The following CACNA1A variants were observed in gnomAD, a reference collection of about 807,000 sequenced individuals.
CACNA1A encodes the protein calcium voltage-gated channel subunit alpha1 A.
In CACNA1A, 57 loss-of-function variants were observed where a neutral mutation model predicts 262.4. The ratio of observed to expected loss-of-function variants is 0.22; its 90% CI spans 0.18 to 0.27. The LOEUF (loss-of-function observed/expected upper bound fraction) is 0.27, where lower values mean the gene tolerates loss of function less well. CACNA1A is among the 10% of genes least tolerant of loss of function. The probability of loss-of-function intolerance (pLI) is 1.00; values close to 1 mark genes in which losing one functional copy is unlikely to be tolerated. For missense variants in CACNA1A, 2,526 were observed against 3,562.8 expected (o/e 0.71, Z 7.41); for synonymous variants, 1,431 against 1,419.3 (o/e 1.01, Z -0.18).
chr19:13,415,742 T>TA, intron 3 of CACNA1A, among the ~76,000 whole-genome samples: 2 of 23,416 alleles, frequency 8.5e-5, no homozygotes, highest in Non-Finnish European at 1.7e-4. Flanking sequence ...TCTGTCTCAA[T>TA]TAAAAAAAAA....
rs951070470 is a variant in CACNA1A, at chr19:13,236,159, C to A, written c.4951-429G>T. Among the ~76,000 whole-genome samples the A allele has an allele frequency of 6.7e-6, 1 of 150,224 alleles. No individual in the cohort carries two copies. The highest frequency in any genetic ancestry group is 1.5e-5 in the Non-Finnish European group (1 of 67,820). ...CCAAATGCACTGAGACGAAAGGACA[C>A]AAGCCGGTCAAGTTGCGGAATCTAT... On this transcript the variant is annotated intron_variant, in intron 31 of 46. Transcript: ENST00000360228. This position sits in a 1 kb window ranked among gnomAD's most constrained non-coding sequence, Gnocchi z 4.6.
intron 31 of CACNA1A, among the ~76,000 whole-genome samples, chr19:13,237,230 C>T (rs1257255303): frequency 1.3e-5 from 2 of 152,130 alleles, no homozygotes; most frequent in African/African-American, 2.4e-5. Context: ...CATGGAAACC[C>T]TCCTTCGCTG....
chr19:13,244,576 C>G (rs2056177352), intron 31 of CACNA1A: 1 of 152,416 alleles, frequency 6.6e-6, no homozygotes, highest in African/African-American at 2.4e-5. Context: ...GACAGGACCT[C>G]TGGGGCCCTG....
chr19:13,264,625 T>C (rs1205913026), intron 24 of CACNA1A, among the ~76,000 whole-genome samples: 3 of 152,194 alleles, frequency 2.0e-5, no homozygotes, highest in African/African-American at 7.2e-5. Context: ...CTTATGCATA[T>C]ACTGTTCCCG....
At chr19:13,472,717 C>T (rs910021877) in intron 1 of CACNA1A, among the ~76,000 whole-genome samples, 1 of 152,180 alleles carries the variant, frequency 6.6e-6, no homozygotes, top group Non-Finnish European at 1.5e-5. Flanking sequence ...TAATTATCCT[C>T]TACGCAAAGG....
intron 3 of CACNA1A, among the ~76,000 whole-genome samples, chr19:13,384,575 C>T (rs2059576576): frequency 2.0e-5 from 3 of 152,168 alleles, no homozygotes; most frequent in African/African-American, 7.2e-5. Flanking sequence ...TGGCGGGAGC[C>T]TGTAATCCCA....
intron 1 of CACNA1A, among the ~76,000 whole-genome samples, chr19:13,464,391 C>T (rs532757996): frequency 1.1e-4 from 16 of 151,970 alleles, no homozygotes; most frequent in Admixed American, 2.6e-4. Flanking sequence ...AGAGCAAGAC[C>T]CTATCTCTTA....
chr19:13,426,193 A>G (rs2060399466), intron 3 of CACNA1A, among the ~76,000 whole-genome samples: 2 of 152,230 alleles, frequency 1.3e-5, no homozygotes, highest in Admixed American at 1.3e-4. Context: ...AAAAGCCATA[A>G]CAATTTTAGA....
intron 5 of CACNA1A, among the ~76,000 whole-genome samples, chr19:13,360,500 C>T (rs1407784230): frequency 8.4e-5 from 11 of 130,208 alleles, no homozygotes; most frequent in South Asian, 4.8e-4. Context: ...TTTTTTGAGA[C>T]GGAGTCTCAT....
chr19:13,473,642 T>G (rs1255472842), intron 1 of CACNA1A, among the ~76,000 whole-genome samples: 1 of 152,222 alleles, frequency 6.6e-6, no homozygotes, highest in Non-Finnish European at 1.5e-5. Flanking sequence ...ATTTTATGCC[T>G]TCTTTTCCTG....
intron 6 of CACNA1A, among the ~76,000 whole-genome samples, chr19:13,345,438 A>C (rs941094027): frequency 3.3e-5 from 5 of 152,184 alleles, no homozygotes; most frequent in Admixed American, 6.5e-5. Flanking sequence ...GAGGGATGTT[A>C]CTGATTCATC....
chr19:13,287,702 A>T (rs1432745051), intron 19 of CACNA1A, among the ~76,000 whole-genome samples: 3 of 150,776 alleles, frequency 2.0e-5, no homozygotes, highest in African/African-American at 4.9e-5. Context: ...GGGTTTCACC[A>T]TTTTGGCCAG....
At chr19:13,447,376 T>C (rs983947406) in intron 3 of CACNA1A, among the ~76,000 whole-genome samples, 2 of 152,192 alleles carry the variant, frequency 1.3e-5, no homozygotes, top group Admixed American at 6.5e-5. Flanking sequence ...GGCCACCTTG[T>C]TGTAAGCAGG....
intron 6 of CACNA1A, among the ~76,000 whole-genome samples, chr19:13,356,844 A>G (rs2059014458): frequency 1.3e-5 from 2 of 152,254 alleles, no homozygotes; most frequent in East Asian, 1.9e-4. Context: ...GTTTTGGCCA[A>G]TTGGGCTGAC....
rs1329646134 is a variant in CACNA1A at position 13,207,520 on chromosome 19, G to A, written c.7314C>T (p.Pro2438=). 3 of 1,436,730 alleles carry A rather than the reference G, an allele frequency of 2.1e-6. No homozygotes were observed. The highest frequency in any genetic ancestry group is 1.3e-5 in the South Asian group (1 of 74,804). The allele number at this position is 1,436,730 out of a possible 1,614,324, so 89.0% of individuals were successfully genotyped here. The change falls in exon 47 of 47, where the codon CCC becomes CCT. Residue 2438 remains proline, a synonymous_variant. Coordinates refer to ENST00000360228, the MANE Select transcript of CACNA1A (RefSeq NM_001127222.2). The surrounding 1 kb of genome is among the most constrained non-coding windows in gnomAD (Gnocchi z 5.7). ...EAMAGAYDAP[P]PVRHASSGAT... ...CGCCCGAGGACGCGTGTCGTACGGG[G>A]GGTGGCGCGTCGTAGGCCCCGGCCA...
intron 1 of CACNA1A, among the ~76,000 whole-genome samples, chr19:13,505,503 A>C (rs1018919632): frequency 6.6e-6 from 1 of 152,110 alleles, no homozygotes; most frequent in Non-Finnish European, 1.5e-5. Context: ...GCGACGGCCA[A>C]GAAAACCCAA....
intron 5 of CACNA1A, chr19:13,363,032 T>C (rs920550476): frequency 6.6e-6 from 1 of 152,010 alleles, no homozygotes; most frequent in Non-Finnish European, 1.5e-5. Flanking sequence ...TGCCTGGGTG[T>C]CTGTATATAT....
chr19:13,298,873 G>C lies in CACNA1A; in HGVS notation c.2760C>G (p.Ala920=). The part of the protein sequence containing the change: ...LEQPGFWEGE[A]ERGKAGDPHR... The stretch of plus-strand genomic sequence containing the variant: ...GGGGGTCCCCGGCCTTGCCTCGCTC[G>C]GCCTCGCCCTCCCAGAACCCGGGTT... Residue 920 remains alanine (A), a synonymous_variant, in exon 19 of 47, where the codon GCC becomes GCG. Transcript: ENST00000360228. The C allele has an allele frequency of 6.3e-7, 1 of 1,591,818 alleles. No individual in the cohort carries two copies. The highest frequency in any genetic ancestry group is 1.1e-5 in the South Asian group (1 of 90,020).
In CACNA1A at chr19:13,317,357, C is replaced by A. The variant is rs758736050; in HGVS notation, c.1346-36G>T. On this transcript the variant is annotated intron_variant, in intron 10 of 46. Coordinates refer to ENST00000360228, the MANE Select transcript of CACNA1A (RefSeq NM_001127222.2). ...AAAGATGGAGAATGTCAGGCTCAGGCTGTTCCTTCAGAAGAAATTAACCAA... is the reference window on the plus strand; with the variant it reads ...AAAGATGGAGAATGTCAGGCTCAGGATGTTCCTTCAGAAGAAATTAACCAA... The A allele has an allele frequency of 1.3e-5, 20 of 1,543,402 alleles. No homozygotes were observed. In the African/African-American group the frequency reaches 2.7e-4, roughly 21 times the overall value.
Sources: gnomAD v4.1 joint callset for allele counts (sites outside exome capture counted in the v4.1 genomes callset) on GRCh38, gnomAD v4.1.1 for gene constraint, Gnocchi (gnomAD v3.1) non-coding constraint, MANE v1.5 for transcripts, NCBI Gene and HGNC (gene_info 2026-07-23, HGNC 2026-07-21) for gene names.